Variants in ZFHX3 observed in about 807,000 individuals in gnomAD.
ZFHX3 encodes zinc finger homeobox protein 3.
In ZFHX3, 42 loss-of-function variants were observed where a neutral mutation model predicts 279.1. The ratio of observed to expected loss-of-function variants is 0.15; its 90% CI spans 0.12 to 0.19. The LOEUF (loss-of-function observed/expected upper bound fraction) is 0.19, where lower values mean the gene tolerates loss of function less well. Ranked by LOEUF, ZFHX3 falls within the 10% of genes least tolerant of loss-of-function variation. The probability of loss-of-function intolerance (pLI) is 1.00; values close to 1 mark genes in which losing one functional copy is unlikely to be tolerated. For missense variants in ZFHX3, 4,981 were observed against 4,754.0 expected, an observed-to-expected ratio of 1.05 and a Z score of -1.40; for synonymous variants, 2,293 against 1,957.8, an observed-to-expected ratio of 1.17 and a Z score of -4.52.
At chr16:73,072,945 G>GGA in intron 8 of ZFHX3, among the ~76,000 whole-genome samples, 1 of 151,774 alleles carries the variant, frequency 6.6e-6, no homozygotes, top group African/African-American at 2.4e-5. Flanking sequence ...TGCCCAGACT[G>GGA]GAGTGCATTG....
intron 1 of ZFHX3, among the ~76,000 whole-genome samples, chr16:73,879,914 C>G (rs922679591): frequency 6.6e-6 from 1 of 152,102 alleles, no homozygotes; most frequent in Non-Finnish European, 1.5e-5. Context: ...AAATTACACC[C>G]TACTGATAAC....
At chr16:73,340,983 G>C (rs1040345452) in intron 3 of ZFHX3, among the ~76,000 whole-genome samples, 4 of 152,106 alleles carry the variant, frequency 2.6e-5, no homozygotes, top group Non-Finnish European at 5.9e-5. Context: ...TGACAAACAG[G>C]AGAAAACTGT....
At chr16:73,869,105 G>A (rs1962102150) in intron 1 of ZFHX3, among the ~76,000 whole-genome samples, 1 of 152,108 alleles carries the variant, frequency 6.6e-6, no homozygotes, top group South Asian at 2.1e-4. Context: ...CTCCCCAGTA[G>A]CTAGTCATGT....
At chr16:73,743,842 G>T (rs1245665448) in intron 1 of ZFHX3, among the ~76,000 whole-genome samples, 1 of 152,102 alleles carries the variant, frequency 6.6e-6, no homozygotes, top group Non-Finnish European at 1.5e-5. Flanking sequence ...GCAAACAGCT[G>T]CAGACACAAC....
chr16:72,965,143 T>C (rs1295340668), intron 1 of ZFHX3, among the ~76,000 whole-genome samples: 1 of 152,198 alleles, frequency 6.6e-6, no homozygotes, highest in Non-Finnish European at 1.5e-5. Context: ...CCTCCCAAAG[T>C]GCTGGGATTA....
intron 3 of ZFHX3, among the ~76,000 whole-genome samples, chr16:73,410,888 C>T (rs1457118488): frequency 6.6e-6 from 1 of 152,238 alleles, no homozygotes; most frequent in African/African-American, 2.4e-5. Context: ...CACACAGACT[C>T]AAAGTAACTT....
chr16:73,753,942 A>G (rs1296160416), intron 1 of ZFHX3, among the ~76,000 whole-genome samples: 1 of 150,104 alleles, frequency 6.7e-6, no homozygotes, highest in East Asian at 2.0e-4. Context: ...GTCTTTATAG[A>G]CTATAACTGC....
chr16:73,444,614 C>A (rs537568510), intron 3 of ZFHX3, among the ~76,000 whole-genome samples: 1 of 152,304 alleles, frequency 6.6e-6, no homozygotes, highest in East Asian at 1.9e-4. Flanking sequence ...TATAAAAGGA[C>A]ATTACTTGAA....
At chr16:73,347,797 A>G (rs555612504) in intron 3 of ZFHX3, among the ~76,000 whole-genome samples, 1 of 152,258 alleles carries the variant, frequency 6.6e-6, no homozygotes, top group Non-Finnish European at 1.5e-5. Context: ...TCCATGGTGC[A>G]GATAGCTCAA....
chr16:73,003,316 G>C (rs1963564171), intron 1 of ZFHX3, among the ~76,000 whole-genome samples: 1 of 144,176 alleles, frequency 6.9e-6, no homozygotes, highest in African/African-American at 2.5e-5. Context: ...ATAATTAAAG[G>C]GAAAAAAAAA....
chr16:72,919,777 C>CTTTTTTTTTTTTTTTTTTTTTTT (rs532405250), intron 3 of ZFHX3, among the ~76,000 whole-genome samples: 2 of 42,264 alleles, frequency 4.7e-5, no homozygotes, highest in African/African-American at 1.1e-4. Flanking sequence ...TATGCACCAT[C>CTTTTTTTTTTTTTTTTTTTTTTT]TTTTTTTTTT....
At chr16:72,982,500 C>T (rs1322967978) in intron 1 of ZFHX3, among the ~76,000 whole-genome samples, 3 of 152,170 alleles carry the variant, frequency 2.0e-5, no homozygotes, top group Non-Finnish European at 4.4e-5. Flanking sequence ...CCAAATCCTT[C>T]CAAAACATGT....
intron 5 of ZFHX3, among the ~76,000 whole-genome samples, chr16:73,172,716 T>G (rs1967558840): frequency 6.6e-6 from 1 of 152,200 alleles, no homozygotes; most frequent in Non-Finnish European, 1.5e-5. Flanking sequence ...ACCGGCTGTA[T>G]GCCAAGCACG....
At chr16:73,698,119 C>T (rs902925879) in intron 1 of ZFHX3, among the ~76,000 whole-genome samples, 2 of 151,870 alleles carry the variant, frequency 1.3e-5, no homozygotes, top group African/African-American at 4.8e-5. Flanking sequence ...ATGTCAATTT[C>T]TTAGTTTTGG....
intron 3 of ZFHX3, among the ~76,000 whole-genome samples, chr16:73,423,364 C>A: frequency 6.6e-6 from 1 of 152,168 alleles, no homozygotes; most frequent in East Asian, 1.9e-4. Flanking sequence ...ACAAAGGTAA[C>A]TGTTGCCTCA....
At chr16:72,842,154 A>C (rs1004513843) in intron 4 of ZFHX3, among the ~76,000 whole-genome samples, 1 of 152,192 alleles carries the variant, frequency 6.6e-6, no homozygotes, top group Non-Finnish European at 1.5e-5. Context: ...CCGCTGACAG[A>C]AAAATCCTTA....
At chr16:73,425,840 TACC>T (rs1456644199) in intron 3 of ZFHX3, among the ~76,000 whole-genome samples, 14 of 152,184 alleles carry the variant, frequency 9.2e-5, no homozygotes, top group African/African-American at 3.4e-4. Context: ...ATCAAACCAC[TACC>T]AGATTAAGGG....
intron 2 of ZFHX3, among the ~76,000 whole-genome samples, chr16:73,669,012 T>C (rs1276883560): frequency 1.3e-5 from 2 of 151,596 alleles, no homozygotes; most frequent in African/African-American, 4.8e-5. Context: ...TTTCTTTTGT[T>C]TCTTTCTTTT....
chr16:72,934,025 A>G (rs1959975209), intron 3 of ZFHX3, among the ~76,000 whole-genome samples: 2 of 151,942 alleles, frequency 1.3e-5, no homozygotes, highest in African/African-American at 2.4e-5. Flanking sequence ...TCACCGTGTT[A>G]GCCAGGATGG....
Sources: allele counts gnomAD v4.1 joint callset (sites outside exome capture counted in the v4.1 genomes callset), GRCh38; gene constraint gnomAD v4.1.1; transcripts MANE v1.5; gene names NCBI Gene and HGNC (gene_info 2026-07-23, HGNC 2026-07-21).